The following MERTK variants were observed in gnomAD, a reference collection of about 807,000 sequenced individuals.
MERTK encodes MER proto-oncogene, tyrosine kinase.
In MERTK, 69 loss-of-function variants were observed where a neutral mutation model predicts 99.3. The ratio of observed to expected loss-of-function variants is 0.70; its 90% CI spans 0.57 to 0.85. The LOEUF is 0.85. Among genes scored for constraint, MERTK ranks in the 40% least tolerant of loss-of-function variants. The probability of loss-of-function intolerance (pLI) is 0.00; values close to 1 mark genes in which losing one functional copy is unlikely to be tolerated. For missense variants in MERTK, 1,125 were observed against 1,249.4 expected (o/e 0.90, Z 1.50); for synonymous variants, 426 against 467.6 (o/e 0.91, Z 1.15).
intron 1 of MERTK, among the ~76,000 whole-genome samples, chr2:111,924,841 C>G (rs1373694988): frequency 6.6e-6 from 1 of 152,186 alleles, no homozygotes. Flanking sequence ...CAGGCACCTT[C>G]TCCATCCCTC....
At chr2:112,024,476 G>T (rs1677423594) in intron 18 of MERTK, among the ~76,000 whole-genome samples, 1 of 152,228 alleles carries the variant, frequency 6.6e-6, no homozygotes, top group African/African-American at 2.4e-5. Context: ...CCTCCTGTGG[G>T]CTCTGTGCCC....
chr2:112,016,837 C>G (rs1677226619), intron 15 of MERTK, among the ~76,000 whole-genome samples: 2 of 152,178 alleles, frequency 1.3e-5, no homozygotes, highest in South Asian at 4.1e-4. Context: ...CGCCTGTAAT[C>G]CCAGCAGTTT....
chr2:112,028,174 G>A (rs1460698337), intron 18 of MERTK, 177 bp from the exon 19 acceptor site: 8 of 693,940 alleles, frequency 1.2e-5, no homozygotes, highest in Non-Finnish European at 1.9e-5. Context: ...AAATACCATG[G>A]AACATTTACA....
intron 9 of MERTK, 35 bp from the exon 10 acceptor site, chr2:111,997,288 T>G: frequency 6.2e-7 from 1 of 1,610,312 alleles, no homozygotes; most frequent in Non-Finnish European, 8.5e-7. Flanking sequence ...CTCATATATT[T>G]CAAACCCATG....
In MERTK at chr2:111,954,646, T is replaced by C. The variant is rs200712815; in HGVS notation, c.757+7079T>C. 3.3e-5 allele frequency among the ~76,000 whole-genome samples: 5 copies of C among 152,228 alleles called. No homozygotes were observed. The East Asian group carries it at 9.6e-4, about 29-fold the overall frequency. On this transcript the variant is annotated intron_variant, in intron 4 of 18. Transcript: ENST00000295408. Reference sequence around the variant, plus strand: ...AATGAAGTAACTTGTATTTATAAAATTATTTTTACATTTAAACTCTTATCT... The same window carrying C: ...AATGAAGTAACTTGTATTTATAAAACTATTTTTACATTTAAACTCTTATCT...
chr2:111,911,738 G>A (rs894788096), intron 1 of MERTK, among the ~76,000 whole-genome samples: 5 of 124,530 alleles, frequency 4.0e-5, no homozygotes, highest in African/African-American at 1.5e-4. Flanking sequence ...TGCCCAGGCT[G>A]AAATGCAGTG....
At chr2:111,962,025 G>T (rs1202403924) in intron 4 of MERTK, among the ~76,000 whole-genome samples, 1 of 152,084 alleles carries the variant, frequency 6.6e-6, no homozygotes, top group Non-Finnish European at 1.5e-5. Context: ...AATATCTGAT[G>T]GAAAATTTCC....
chr2:111,974,599 A>G (rs1173613392), intron 6 of MERTK, among the ~76,000 whole-genome samples: 1 of 151,762 alleles, frequency 6.6e-6, no homozygotes, highest in African/African-American at 2.4e-5. Flanking sequence ...GTGAAACCCC[A>G]TCTCTACTAA....
intron 2 of MERTK, among the ~76,000 whole-genome samples, chr2:111,936,797 G>A (rs1216854026): frequency 6.6e-6 from 1 of 152,138 alleles, no homozygotes; most frequent in South Asian, 2.1e-4. Flanking sequence ...CAGGTTCCAG[G>A]ACACTGCTTG....
chr2:111,966,810 T>C (rs1371322717), intron 5 of MERTK, among the ~76,000 whole-genome samples: 1 of 152,186 alleles, frequency 6.6e-6, no homozygotes, highest in Non-Finnish European at 1.5e-5. Flanking sequence ...CCCAAGGCTT[T>C]GTGTGTACTA....
chr2:111,956,131 G>T (rs1331096087), intron 4 of MERTK, among the ~76,000 whole-genome samples: 1 of 152,010 alleles, frequency 6.6e-6, no homozygotes. Flanking sequence ...AAAAAAGTTA[G>T]TGGGTAAGAG....
At chr2:111,954,910 T>C (rs916413067) in intron 4 of MERTK, among the ~76,000 whole-genome samples, 3 of 152,184 alleles carry the variant, frequency 2.0e-5, no homozygotes, top group African/African-American at 4.8e-5. Flanking sequence ...TAAAAACTTA[T>C]TTTTAATTAA....
rs770700122 is a variant in MERTK, at chr2:111,997,312, T to G, written c.1451-11T>G. On this transcript the variant is annotated splice_polypyrimidine_tract_variant and intron_variant, in intron 9 of 18. Transcript: ENST00000295408. ...TTCAAACCCATGACTGGTCTATTGG[T>G]ATCTCACCAGGTTGGGTAGATTATG... 8.1e-6 allele frequency: 13 copies of G among 1,613,922 alleles called. No homozygotes were observed. The highest frequency in any genetic ancestry group is 1.1e-5 in the Non-Finnish European group (13 of 1,179,738).
intron 13 of MERTK, among the ~76,000 whole-genome samples, chr2:112,007,317 C>G: frequency 1.3e-5 from 2 of 152,066 alleles, no homozygotes; most frequent in Admixed American, 1.3e-4. Flanking sequence ...ACCACGCCCG[C>G]CTAATTTTTT....
At chr2:111,911,996 G>A (rs894819307) in intron 1 of MERTK, among the ~76,000 whole-genome samples, 5 of 112,138 alleles carry the variant, frequency 4.5e-5, no homozygotes, top group South Asian at 3.4e-4. Context: ...GCTTCCAATC[G>A]CTTTATTTAT....
intron 4 of MERTK, among the ~76,000 whole-genome samples, chr2:111,958,923 T>C (rs1685196802): frequency 6.9e-6 from 1 of 145,146 alleles, no homozygotes; most frequent in South Asian, 2.1e-4. Flanking sequence ...AATTTTGTAG[T>C]TTGTATTCAA....
rs1677538415 is a variant in MERTK at position 112,029,525 on chromosome 2, G to A, written c.*661G>A. 6.1e-6 allele frequency: 1 copy of A among 162,688 alleles called. No individual in the cohort carries two copies. Among genetic ancestry groups the A allele is most frequent in the Admixed American group, 6.5e-5 (1 of 15,310 alleles). The allele number at this position is 162,688 out of a possible 1,614,324, so 10.1% of individuals were successfully genotyped here. ...ATATGGAAAAACCACACCAGGGTCTGTAGATAAGGAATAAAGAATATTGAA... is the reference window on the plus strand; with the variant it reads ...ATATGGAAAAACCACACCAGGGTCTATAGATAAGGAATAAAGAATATTGAA... On this transcript the variant is annotated 3_prime_UTR_variant, in exon 19 of 19. Coordinates refer to ENST00000295408, the MANE Select transcript of MERTK (RefSeq NM_006343.3).
intron 1 of MERTK, among the ~76,000 whole-genome samples, chr2:111,904,848 G>C (rs1425739635): frequency 1.3e-5 from 2 of 152,160 alleles, no homozygotes; most frequent in African/African-American, 4.8e-5. Context: ...TGCACTCCTG[G>C]CTTCTGGTAC....
chr2:111,968,355 T>A, intron 6 of MERTK, 103 bp downstream of exon 6: 5 of 901,758 alleles, frequency 5.5e-6, no homozygotes, highest in Non-Finnish European at 9.1e-6. Flanking sequence ...TTTCTCCATC[T>A]CTGTACAGAG....
Sources: gnomAD v4.1 joint callset for allele counts (sites outside exome capture counted in the v4.1 genomes callset) on GRCh38, gnomAD v4.1.1 for gene constraint, MANE v1.5 for transcripts, NCBI Gene and HGNC (gene_info 2026-07-23, HGNC 2026-07-21) for gene names.